The following HECW2 variants were observed in gnomAD, a reference collection of about 807,000 sequenced individuals.
HECW2 encodes HECT, C2 and WW domain containing E3 ubiquitin protein ligase 2, also known as E3 ubiquitin-protein ligase HECW2.
HECW2 carries 61 observed loss-of-function variants against 175.2 expected under a neutral mutation model. That is an observed-to-expected ratio of 0.35 (90% CI 0.28 to 0.43). HECW2 has a LOEUF of 0.43. Ranked by LOEUF, HECW2 falls within the 20% of genes least tolerant of loss-of-function variation. The pLI is 1.00. For synonymous variants in HECW2, 671 were observed against 731.0 expected (o/e 0.92, Z 1.32); for missense variants, 1,524 against 2,000.5 (o/e 0.76, Z 4.54).
intron 10 of HECW2, 89 bp from the exon 11 acceptor site, chr2:196,308,174 T>C: frequency 1.0e-6 from 1 of 966,236 alleles, no homozygotes; most frequent in Non-Finnish European, 1.5e-6. Context: ...GTTTTCTTTC[T>C]CTGACATGCT....
In HECW2 at chr2:196,593,498, G is replaced by C. The variant is rs1190842158; in HGVS notation, c.-36+10C>G. ...CGGTCCGCGGAGAGCGAAGAGTCCG[G>C]CCTCCTCACCTCCAGCCGCGCCGGC... On this transcript the variant is annotated intron_variant, in intron 1 of 28. Coordinates refer to ENST00000644978, the MANE Select transcript of HECW2 (RefSeq NM_001348768.2). 6.6e-6 allele frequency: 1 copy of C among 152,242 alleles called. No homozygotes were observed. Among genetic ancestry groups the C allele is most frequent in the Admixed American group, 6.5e-5 (1 of 15,282 alleles). The allele number at this position is 152,242 out of a possible 1,614,324, so 9.4% of individuals were successfully genotyped here. A position where few individuals can be genotyped will look rare whatever the true frequency, so the allele number is the denominator to read the frequency against.
At chr2:196,545,606 T>C (rs1689391115) in intron 1 of HECW2, among the ~76,000 whole-genome samples, 1 of 152,230 alleles carries the variant, frequency 6.6e-6, no homozygotes, top group Non-Finnish European at 1.5e-5. Context: ...TTAGGCATCT[T>C]GCTCTGACAC....
In HECW2 at chr2:196,223,406, C is replaced by T. The variant is rs114488770; in HGVS notation, c.4017-1066G>A. ...AAGATGATGCCTACATTAAATCTTTCAGGATGTTTAAAAGCAAGAGACGTA... is the reference window on the plus strand; with the variant it reads ...AAGATGATGCCTACATTAAATCTTTTAGGATGTTTAAAAGCAAGAGACGTA... On this transcript the variant is annotated intron_variant, in intron 23 of 28. Coordinates refer to ENST00000644978, the MANE Select transcript of HECW2 (RefSeq NM_001348768.2). Among the ~76,000 whole-genome samples the T allele has an allele frequency of 5.2e-3, 795 of 151,984 alleles. 6 individuals are homozygous for T. Among genetic ancestry groups the T allele is most frequent in the African/African-American group, 0.018 (758 of 41,392 alleles).
chr2:196,379,712 T>C (rs920777396), intron 2 of HECW2, among the ~76,000 whole-genome samples: 7 of 147,412 alleles, frequency 4.7e-5, no homozygotes, highest in South Asian at 4.3e-4. Context: ...AACAAAAAGA[T>C]TATGGCACCT....
chr2:196,308,753 T>C (rs548969029), intron 10 of HECW2, among the ~76,000 whole-genome samples: 2 of 152,348 alleles, frequency 1.3e-5, no homozygotes, highest in South Asian at 4.1e-4. Flanking sequence ...TCTAGAGAGA[T>C]ATACAAGTGA....
At chr2:196,230,868 C>T (rs1480816038) in intron 21 of HECW2, among the ~76,000 whole-genome samples, 1 of 152,158 alleles carries the variant, frequency 6.6e-6, no homozygotes, top group Non-Finnish European at 1.5e-5. Flanking sequence ...CTTTGGGAAG[C>T]TGAGGCAGGC....
intron 17 of HECW2, chr2:196,260,159 G>A (rs1262959306): frequency 6.6e-6 from 1 of 152,208 alleles, no homozygotes; most frequent in East Asian, 1.9e-4. Flanking sequence ...GGCACCAGAG[G>A]AGGTATGCCA....
intron 1 of HECW2, among the ~76,000 whole-genome samples, chr2:196,444,612 A>G (rs956490798): frequency 3.3e-5 from 5 of 152,176 alleles, no homozygotes; most frequent in African/African-American, 9.7e-5. Flanking sequence ...CTCTCCCTAC[A>G]GCACTTTTTC....
intron 1 of HECW2, among the ~76,000 whole-genome samples, chr2:196,584,088 G>C (rs968631746): frequency 2.0e-5 from 3 of 152,086 alleles, no homozygotes; most frequent in Non-Finnish European, 2.9e-5. Flanking sequence ...TGAATTCCAG[G>C]AATGGCATAT....
At chr2:196,251,518 A>G (rs961956432) in intron 19 of HECW2, among the ~76,000 whole-genome samples, 2 of 152,124 alleles carry the variant, frequency 1.3e-5, no homozygotes, top group African/African-American at 4.8e-5. Flanking sequence ...AGATTTCTCA[A>G]TAAAACTTGT....
At chr2:196,205,706 C>T (rs1687042966) in intron 28 of HECW2, among the ~76,000 whole-genome samples, 1 of 152,068 alleles carries the variant, frequency 6.6e-6, no homozygotes, top group South Asian at 2.1e-4. Flanking sequence ...TTTGGTTGCA[C>T]CCCTTGTGAT....
intron 2 of HECW2, among the ~76,000 whole-genome samples, chr2:196,394,882 A>G (rs1694616930): frequency 6.6e-6 from 1 of 152,198 alleles, no homozygotes; most frequent in South Asian, 2.1e-4. Context: ...ATAAACAATA[A>G]ACCTTTATTT....
chr2:196,213,921 T>C (rs1687379374), intron 28 of HECW2, among the ~76,000 whole-genome samples: 1 of 152,208 alleles, frequency 6.6e-6, no homozygotes. Context: ...TGAAGTGTTC[T>C]CTAAGGTCCC....
At chr2:196,463,199 G>A (rs956270897) in intron 1 of HECW2, among the ~76,000 whole-genome samples, 1 of 152,176 alleles carries the variant, frequency 6.6e-6, no homozygotes. Flanking sequence ...GATTAGGAGA[G>A]AAGCAGCAGT....
At chr2:196,349,012 G>A (rs144514723) in intron 2 of HECW2, among the ~76,000 whole-genome samples, 9 of 152,282 alleles carry the variant, frequency 5.9e-5, no homozygotes, top group Non-Finnish European at 1.3e-4. Context: ...CTCTGTATCT[G>A]TGCCTACTTC....
intron 26 of HECW2, 180 bp from the exon 27 acceptor site, chr2:196,217,273 AC>A: frequency 2.3e-6 from 1 of 439,718 alleles, no homozygotes; most frequent in Non-Finnish European, 4.0e-6. Context: ...CAAAAGTTAA[AC>A]AAAAACAACA....
intron 2 of HECW2, among the ~76,000 whole-genome samples, chr2:196,402,561 C>T (rs1056509062): frequency 1.2e-4 from 18 of 152,096 alleles, no homozygotes; most frequent in African/African-American, 3.4e-4. Context: ...ATTTATTTAA[C>T]AGCTTTTTGT....
chr2:196,382,984 G>C (rs529394627), intron 2 of HECW2, among the ~76,000 whole-genome samples: 1 of 152,312 alleles, frequency 6.6e-6, no homozygotes, highest in Admixed American at 6.5e-5. Context: ...TGGCTCTGGT[G>C]GCAGTATGGG....
At chr2:196,392,319 C>A (rs567646782) in intron 2 of HECW2, among the ~76,000 whole-genome samples, 1 of 152,272 alleles carries the variant, frequency 6.6e-6, no homozygotes, top group East Asian at 1.9e-4. Context: ...GCACTCTATG[C>A]AGCTTCCACT....
Sources: allele counts gnomAD v4.1 joint callset (sites outside exome capture counted in the v4.1 genomes callset), GRCh38; gene constraint gnomAD v4.1.1; transcripts MANE v1.5; gene names NCBI Gene and HGNC (gene_info 2026-07-23, HGNC 2026-07-21).